The following LYPD6B variants were observed in gnomAD, a reference collection of about 807,000 sequenced individuals.
LYPD6B encodes LY6/PLAUR domain containing 6B, also known as ly6/PLAUR domain-containing protein 6B.
In LYPD6B, 17 loss-of-function variants were observed where a neutral mutation model predicts 22.8. The observed-to-expected ratio is 0.75, with a 90% CI of 0.51 to 1.12. The LOEUF is 1.12. LYPD6B is among the 50% of genes most tolerant of loss of function. The pLI, the probability that LYPD6B is intolerant of heterozygous loss-of-function variation, is 0.00. For synonymous variants in LYPD6B, 106 were observed against 91.6 expected (o/e 1.16, Z -0.90); for missense variants, 221 against 258.3 (o/e 0.86, Z 0.99).
intron 3 of LYPD6B, 107 bp from the exon 4 acceptor site, chr2:149,205,146 A>G: frequency 8.7e-7 from 1 of 1,152,068 alleles, no homozygotes; most frequent in Non-Finnish European, 1.2e-6. Context: ...CACAACAGGT[A>G]GATGGTTGGA....
chr2:149,049,847 A>G (rs1320474104), intron 1 of LYPD6B, among the ~76,000 whole-genome samples: 1 of 152,128 alleles, frequency 6.6e-6, no homozygotes, highest in Non-Finnish European at 1.5e-5. Context: ...AGTGTAAGGT[A>G]TTTGGGGATG....
chr2:149,214,478 C>T (rs953716452), intron 6 of LYPD6B, 68 bp from the exon 7 acceptor site: 43 of 1,515,880 alleles, frequency 2.8e-5, no homozygotes, highest in East Asian at 2.5e-4. Flanking sequence ...TTTGTTTTAT[C>T]TTTCTTTCTT....
intron 1 of LYPD6B, among the ~76,000 whole-genome samples, chr2:149,123,353 AT>A (rs1342449504): frequency 6.6e-6 from 1 of 152,046 alleles, no homozygotes; most frequent in Non-Finnish European, 1.5e-5. Context: ...ATGTCTAAGG[AT>A]TTTGGGCCTG....
At chr2:149,187,565 G>C in intron 3 of LYPD6B, 1 of 1,430,286 alleles carries the variant, frequency 7.0e-7, no homozygotes, top group Non-Finnish European at 9.2e-7. Flanking sequence ...TGAACAACAT[G>C]AAGCCTGACA....
chr2:149,169,528 A>C (rs1012803465), intron 3 of LYPD6B, among the ~76,000 whole-genome samples: 4 of 152,206 alleles, frequency 2.6e-5, no homozygotes, highest in African/African-American at 9.6e-5. Flanking sequence ...ACACTGCATT[A>C]GTTGTATACA....
At chr2:149,172,809 G>A (rs1690936292) in intron 3 of LYPD6B, among the ~76,000 whole-genome samples, 1 of 151,988 alleles carries the variant, frequency 6.6e-6, no homozygotes, top group African/African-American at 2.4e-5. Flanking sequence ...GACTGCTTGA[G>A]CTGAGACATG....
At chr2:149,155,822 A>G (rs935879726) in intron 2 of LYPD6B, among the ~76,000 whole-genome samples, 5 of 152,202 alleles carry the variant, frequency 3.3e-5, no homozygotes, top group African/African-American at 4.8e-5. Context: ...AAATTAAACT[A>G]TGGTGTTCAT....
intron 1 of LYPD6B, among the ~76,000 whole-genome samples, chr2:149,119,932 C>CA (rs919073842): frequency 9.6e-5 from 14 of 145,504 alleles, no homozygotes; most frequent in East Asian, 6.0e-4. Flanking sequence ...TGGATGAAAG[C>CA]AAAAAAAAAA....
intron 3 of LYPD6B, among the ~76,000 whole-genome samples, chr2:149,172,417 T>G (rs181572692): frequency 1.8e-3 from 267 of 152,222 alleles, no homozygotes; most frequent in Non-Finnish European, 3.1e-3. Flanking sequence ...CCAGTCATCA[T>G]GGGCTTCAAA....
rs978738597 is a variant in LYPD6B, at chr2:149,123,131, G to C, written c.-66-7752G>C. On this transcript the variant is annotated intron_variant, in intron 1 of 6. Transcript: ENST00000409642. Reference sequence around the variant, plus strand: ...GGCAGGAGGATTCAGTCATCACATGGAACAGGAGTAAATGCTTGCTGAGCT... The same window carrying C: ...GGCAGGAGGATTCAGTCATCACATGCAACAGGAGTAAATGCTTGCTGAGCT... Among the ~76,000 whole-genome samples, 5 of 152,304 alleles carry C rather than the reference G, an allele frequency of 3.3e-5. No homozygotes were observed. The East Asian group carries it at 9.7e-4, about 29-fold the overall frequency.
intron 4 of LYPD6B, among the ~76,000 whole-genome samples, chr2:149,206,952 A>T (rs1050358235): frequency 5.9e-5 from 9 of 152,166 alleles, no homozygotes; most frequent in African/African-American, 2.2e-4. Flanking sequence ...ATCACAAGCA[A>T]ACTAAATGTT....
At chr2:149,122,378 C>T (rs1021817308) in intron 1 of LYPD6B, among the ~76,000 whole-genome samples, 2 of 151,622 alleles carry the variant, frequency 1.3e-5, no homozygotes, top group Non-Finnish European at 2.9e-5. Context: ...GCATGTTTCT[C>T]ATTTCTTTTT....
At chr2:149,184,942 T>A (rs1691992330) in intron 3 of LYPD6B, among the ~76,000 whole-genome samples, 1 of 152,230 alleles carries the variant, frequency 6.6e-6, no homozygotes, top group African/African-American at 2.4e-5. Context: ...TCCCATAAAG[T>A]GCCTCTTAAA....
At position 149,100,502 on chromosome 2, in the gene LYPD6B, G is replaced by C. The variant is rs145040963; in HGVS notation, c.-66-30381G>C. 2.9e-3 allele frequency among the ~76,000 whole-genome samples: 442 copies of C among 150,480 alleles called. 2 individuals are homozygous for C. Among genetic ancestry groups the C allele is most frequent in the African/African-American group, 0.01 (420 of 40,988 alleles). On this transcript the variant is annotated intron_variant, in intron 1 of 6. Transcript: ENST00000409642. ...GGGTATGGGGCATTGTTTTAGTAGGGATTGGCACAGAGGACCTTTGCTTTT... is the reference window on the plus strand; with the variant it reads ...GGGTATGGGGCATTGTTTTAGTAGGCATTGGCACAGAGGACCTTTGCTTTT...
intron 1 of LYPD6B, among the ~76,000 whole-genome samples, chr2:149,094,102 C>A (rs2105453345): frequency 6.6e-6 from 1 of 152,180 alleles, no homozygotes; most frequent in Admixed American, 6.5e-5. Context: ...GTTTCTCCAG[C>A]AAAGAAGAAA....
chr2:149,039,040 G>A (rs970764345), intron 1 of LYPD6B, among the ~76,000 whole-genome samples: 1 of 151,848 alleles, frequency 6.6e-6, no homozygotes, highest in East Asian at 1.9e-4. Flanking sequence ...ACATCTGGAC[G>A]GGACGGGAGC....
At chr2:149,108,799 T>G (rs1023563422) in intron 1 of LYPD6B, among the ~76,000 whole-genome samples, 1 of 152,274 alleles carries the variant, frequency 6.6e-6, no homozygotes, top group Admixed American at 6.5e-5. Flanking sequence ...TTGGATTGAG[T>G]TTTTAAAAAA....
At chr2:149,078,705 C>G (rs1035163029) in intron 1 of LYPD6B, among the ~76,000 whole-genome samples, 1 of 152,174 alleles carries the variant, frequency 6.6e-6, no homozygotes, top group Non-Finnish European at 1.5e-5. Flanking sequence ...CTAATTTCTA[C>G]CTTAAAAGAC....
intron 1 of LYPD6B, among the ~76,000 whole-genome samples, chr2:149,128,200 T>G (rs2105672735): frequency 6.6e-6 from 1 of 152,334 alleles, no homozygotes; most frequent in South Asian, 2.1e-4. Context: ...AGTCTAATAT[T>G]TCTTTTTGTA....
Sources: gnomAD v4.1 joint callset for allele counts (sites outside exome capture counted in the v4.1 genomes callset) on GRCh38, gnomAD v4.1.1 for gene constraint, MANE v1.5 for transcripts, NCBI Gene and HGNC (gene_info 2026-07-23, HGNC 2026-07-21) for gene names.